The following DHX15 variants were observed in gnomAD, a reference collection of about 807,000 sequenced individuals.
DHX15 encodes ATP-dependent RNA helicase DHX15.
DHX15 carries 11 observed loss-of-function variants against 94.4 expected under a neutral mutation model. That is an observed-to-expected ratio of 0.12 (90% CI 0.07 to 0.19). The LOEUF (loss-of-function observed/expected upper bound fraction) is 0.19, where lower values mean the gene tolerates loss of function less well. Ranked by LOEUF, DHX15 falls within the 10% of genes least tolerant of loss-of-function variation. The pLI, the probability that DHX15 is intolerant of heterozygous loss-of-function variation, is 1.00. For synonymous variants in DHX15, 338 were observed against 329.9 expected (o/e 1.02, Z -0.27); for missense variants, 304 against 988.5 (o/e 0.31, Z 9.29).
chr4:24,540,388 T>C lies in DHX15; in HGVS notation c.1595-89A>G, dbSNP rs1257954349. The C allele has an allele frequency of 6.0e-6, 7 of 1,175,804 alleles. No homozygotes were observed. In the African/African-American group the frequency reaches 9.4e-5, roughly 16 times the overall value. 72.8% of individuals were successfully genotyped at this position (1,175,804 alleles called of 1,614,324 possible). On this transcript the variant is annotated intron_variant, in intron 9 of 13. Coordinates refer to ENST00000336812, the MANE Select transcript of DHX15 (RefSeq NM_001358.3). ...AAACTATTATAAGCAATCTCATTTT[T>C]CATTTTGCAGTGGACCAAACTCAAA...
chr4:24,576,823 T>A (rs1230668083), intron 1 of DHX15, 145 bp from the exon 2 acceptor site: 1 of 1,261,468 alleles, frequency 7.9e-7, no homozygotes. Flanking sequence ...TAATAAAAAA[T>A]ACCCTACAAT....
chr4:24,540,098 CCTCT>C lies in DHX15; in HGVS notation c.1786+6_1786+9del, dbSNP rs766232609. ...AGCTGGGCTTTTTTTTGTTCCTTTC[CCTCT>C]ATTACCTGACAACATAGCAGTAATA... On this transcript the variant is annotated splice_donor_region_variant and intron_variant, in intron 10 of 13. Transcript: ENST00000336812. The C allele has an allele frequency of 8.1e-6, 12 of 1,475,542 alleles. No individual in the cohort carries two copies. The highest frequency in any genetic ancestry group is 4.5e-5 in the South Asian group (3 of 66,612). 91.4% of individuals were successfully genotyped at this position (1,475,542 alleles called of 1,614,324 possible). A position where few individuals can be genotyped will look rare whatever the true frequency, so the allele number is the denominator to read the frequency against.
At chr4:24,532,168 C>T (rs904844476) in intron 12 of DHX15, among the ~76,000 whole-genome samples, 4 of 152,206 alleles carry the variant, frequency 2.6e-5, no homozygotes, top group Non-Finnish European at 5.9e-5. Context: ...AATAACTGTT[C>T]ACAGTATTTA....
At chr4:24,575,634 CT>C (rs1189757818) in intron 2 of DHX15, among the ~76,000 whole-genome samples, 6 of 152,188 alleles carry the variant, frequency 3.9e-5, no homozygotes, top group African/African-American at 1.4e-4. Context: ...AAATGATCTT[CT>C]GACCCAGCAA....
At chr4:24,558,100 T>C (rs953186132) in intron 3 of DHX15, among the ~76,000 whole-genome samples, 2 of 152,110 alleles carry the variant, frequency 1.3e-5, no homozygotes, top group African/African-American at 4.8e-5. Flanking sequence ...CATGGAATCA[T>C]AGTGTAATAT....
intron 3 of DHX15, 112 bp downstream of exon 3, chr4:24,570,542 T>A (rs1722099584): frequency 1.1e-6 from 1 of 873,802 alleles, no homozygotes; most frequent in African/African-American, 1.7e-5. Context: ...AAGGCCTACT[T>A]TGGATAATTC....
chr4:24,542,663 G>GT (rs1721336750), intron 7 of DHX15, among the ~76,000 whole-genome samples: 1 of 151,384 alleles, frequency 6.6e-6, no homozygotes, highest in African/African-American at 2.4e-5. Flanking sequence ...AACCCATACT[G>GT]TTAAATGAAT....
At chr4:24,551,028 G>T (rs1319842907) in intron 5 of DHX15, among the ~76,000 whole-genome samples, 1 of 152,110 alleles carries the variant, frequency 6.6e-6, no homozygotes, top group South Asian at 2.1e-4. Context: ...TGACCAAAAC[G>T]TTGTTATGTG....
chr4:24,529,777 C>A lies in DHX15; in HGVS notation c.2101-7G>T, dbSNP rs766579632. On this transcript the variant is annotated splice_polypyrimidine_tract_variant and splice_region_variant and intron_variant, in intron 12 of 13. Coordinates refer to ENST00000336812, the MANE Select transcript of DHX15 (RefSeq NM_001358.3). ...TTCGTTCTAAATGTGCCACCTGAAA[C>A]CAAAACCCAGTATATTATTAATACA... 1 of 1,614,072 alleles carries A rather than the reference C, an allele frequency of 6.2e-7. No homozygotes were observed.
At chr4:24,528,091 A>C in intron 13 of DHX15, 50 bp from the exon 14 acceptor site, 1 of 1,296,254 alleles carries the variant, frequency 7.7e-7, no homozygotes, top group Non-Finnish European at 1.1e-6. Flanking sequence ...TAATTGAAGT[A>C]CTGGAGTTGT....
At position 24,570,794 on chromosome 4, in the gene DHX15, T is replaced by G. The variant is rs1431281365; in HGVS notation, c.561A>C (p.Gly187=). The change falls in exon 3 of 14, where the codon GGA becomes GGC. Residue 187 remains glycine, a synonymous_variant. Transcript: ENST00000336812. Reference sequence around the variant, plus strand: ...CTCTCCTGGGTTGGGTACAGGCAACTCCTCTCTTGGGTCCTGGTAATGATC... The same window carrying G: ...CTCTCCTGGGTTGGGTACAGGCAACGCCTCTCTTGGGTCCTGGTAATGATC... ...YMRSLPGPKR[G]VACTQPRRVA... 1 of 1,614,166 alleles carries G rather than the reference T, an allele frequency of 6.2e-7. No individual in the cohort carries two copies. The highest frequency in any genetic ancestry group is 1.7e-5 in the Admixed American group (1 of 60,008).
chr4:24,562,353 G>C (rs1253495830), intron 3 of DHX15, among the ~76,000 whole-genome samples: 1 of 152,088 alleles, frequency 6.6e-6, no homozygotes, highest in Non-Finnish European at 1.5e-5. Context: ...AATACACTCA[G>C]AGAATTACAT....
At chr4:24,538,087 T>C (rs954487766) in intron 10 of DHX15, 3 of 152,220 alleles carry the variant, frequency 2.0e-5, no homozygotes, top group African/African-American at 7.2e-5. Context: ...ACTACATTTT[T>C]TGAAATACAA....
At chr4:24,560,538 T>C (rs1003579301) in intron 3 of DHX15, among the ~76,000 whole-genome samples, 1 of 152,124 alleles carries the variant, frequency 6.6e-6, no homozygotes, top group Non-Finnish European at 1.5e-5. Flanking sequence ...AAGAAATGTA[T>C]GACAAACTGA....
At chr4:24,556,197 T>G in intron 4 of DHX15, 54 bp downstream of exon 4, 1 of 1,514,758 alleles carries the variant, frequency 6.6e-7, no homozygotes, top group Non-Finnish European at 9.0e-7. Flanking sequence ...ATTCCCCATT[T>G]TTATGCCCAC....
At chr4:24,547,284 A>C (rs1721445370) in intron 6 of DHX15, among the ~76,000 whole-genome samples, 1 of 152,384 alleles carries the variant, frequency 6.6e-6, no homozygotes, top group South Asian at 2.1e-4. Flanking sequence ...TTATAAGCTC[A>C]TGATCAGTCC....
At chr4:24,532,822 C>T in intron 12 of DHX15, 42 bp downstream of exon 12, 2 of 1,414,802 alleles carry the variant, frequency 1.4e-6, no homozygotes, top group South Asian at 2.8e-5. Context: ...AAATCAGTGT[C>T]ATATGAATAC....
intron 1 of DHX15, 185 bp downstream of exon 1, chr4:24,584,138 C>A: frequency 1.6e-6 from 1 of 612,086 alleles, no homozygotes; most frequent in Non-Finnish European, 2.8e-6. Context: ...TCGCACGCAA[C>A]CCCCCGCGCC....
At chr4:24,569,936 C>T (rs1414910585) in intron 3 of DHX15, among the ~76,000 whole-genome samples, 2 of 152,222 alleles carry the variant, frequency 1.3e-5, no homozygotes, top group Non-Finnish European at 2.9e-5. Flanking sequence ...CTGAGCCCCA[C>T]TCAAACAAGT....
Sources: allele counts gnomAD v4.1 joint callset (sites outside exome capture counted in the v4.1 genomes callset), GRCh38; gene constraint gnomAD v4.1.1; transcripts MANE v1.5; gene names NCBI Gene and HGNC (gene_info 2026-07-23, HGNC 2026-07-21).